Variants in CLEC9A observed in about 807,000 individuals in gnomAD.
CLEC9A encodes the protein C-type lectin domain family 9 member A.
In CLEC9A, 24 loss-of-function variants were observed where a neutral mutation model predicts 30.0. The observed-to-expected ratio is 0.80, with a 90% confidence interval of 0.58 to 1.13. The LOEUF is 1.13. CLEC9A is among the 50% of genes most tolerant of loss of function. The pLI, the probability that CLEC9A is intolerant of heterozygous loss-of-function variation, is 0.00. For synonymous variants in CLEC9A, 111 were observed against 96.8 expected, an observed-to-expected ratio of 1.15 and a Z score of -0.86; for missense variants, 251 against 280.9, an observed-to-expected ratio of 0.89 and a Z score of 0.76.
chr12:10,065,415 A>G, intron 8 of CLEC9A, 85 bp from the exon 9 acceptor site: 1 of 1,494,688 alleles, frequency 6.7e-7, no homozygotes, highest in Non-Finnish European at 9.1e-7. Flanking sequence ...CAAAACAAGC[A>G]GCTACACACC....
At chr12:10,044,997 A>G (rs1401180642) in intron 2 of CLEC9A, among the ~76,000 whole-genome samples, 4 of 152,220 alleles carry the variant, frequency 2.6e-5, no homozygotes, top group Admixed American at 1.3e-4. Context: ...GCTGTCTTAG[A>G]TCATCTATCC....
Position 10,063,114 on chromosome 12 carries a change from G to T in CLEC9A, c.379G>T (p.Val127Phe), listed in dbSNP as rs146186714. 307 of 1,612,462 alleles carry T rather than the reference G, an allele frequency of 1.9e-4. 1 individual carries two copies. In the African/African-American group the frequency reaches 3.6e-3, roughly 19 times the overall value. The change falls in exon 7 of 9, where the codon GTC becomes TTC. Residue 127 changes from valine to phenylalanine, a missense_variant. Coordinates refer to ENST00000355819, the MANE Select transcript of CLEC9A (RefSeq NM_207345.4). Reference protein sequence around the residue: ...WIQNRESCYYVSEIWSIWHTS... With the variant: ...WIQNRESCYYFSEIWSIWHTS... The stretch of plus-strand genomic sequence containing the variant: ...TCAGAACAGAGAAAGTTGTTACTAT[G>T]TCTCTGAAATTTGGAGCATTTGGCA...
chr12:10,032,894 C>T (rs1205200249), intron 1 of CLEC9A, among the ~76,000 whole-genome samples: 7 of 152,108 alleles, frequency 4.6e-5, no homozygotes, highest in Admixed American at 2.0e-4. Flanking sequence ...TAACATTTCT[C>T]TAATTTTCTT....
At chr12:10,031,135 G>A (rs912276314) in intron 1 of CLEC9A, among the ~76,000 whole-genome samples, 163 bp downstream of exon 1, 1 of 152,210 alleles carries the variant, frequency 6.6e-6, no homozygotes, top group African/African-American at 2.4e-5. Flanking sequence ...TAATATGAAG[G>A]TGTGAGCTGA....
chr12:10,052,555 C>T, intron 3 of CLEC9A, 75 bp from the exon 4 acceptor site: 1 of 1,429,412 alleles, frequency 7.0e-7, no homozygotes, highest in African/African-American at 1.4e-5. Context: ...ACTCCTTAAA[C>T]ACAAACATAT....
chr12:10,036,893 T>A (rs989492857), intron 1 of CLEC9A, among the ~76,000 whole-genome samples: 4 of 152,234 alleles, frequency 2.6e-5, no homozygotes, highest in African/African-American at 9.6e-5. Flanking sequence ...CATACATATA[T>A]GCATTCATTC....
At chr12:10,044,552 T>C (rs1278076053) in intron 2 of CLEC9A, among the ~76,000 whole-genome samples, 1 of 152,218 alleles carries the variant, frequency 6.6e-6, no homozygotes. Context: ...GCATTTGCTA[T>C]TTTCTTCTCC....
In CLEC9A at chr12:10,038,834, G is replaced by A. The variant is rs577916364; in HGVS notation, c.-317-2632G>A. Among the ~76,000 whole-genome samples, 16 of 145,688 alleles carry A rather than the reference G, an allele frequency of 1.1e-4. No individual in the cohort carries two copies. In the South Asian group the frequency reaches 3.2e-3, roughly 29 times the overall value. ...ATTAAAGTAGTTATAGGATGGGTGG[G>A]CATAAAACAAAACAAAACAAAAAAT... On this transcript the variant is annotated intron_variant, in intron 1 of 8. Transcript: ENST00000355819.
intron 6 of CLEC9A, 60 bp downstream of exon 6, chr12:10,061,333 A>C: frequency 3.7e-3 from 4,704 of 1,256,194 alleles, no homozygotes; most frequent in Non-Finnish European, 4.7e-3. Context: ...AATACCTCAA[A>C]AGAAACAGTG....
At chr12:10,037,302 A>T (rs535035221) in intron 1 of CLEC9A, among the ~76,000 whole-genome samples, 2 of 152,212 alleles carry the variant, frequency 1.3e-5, no homozygotes, top group Non-Finnish European at 2.9e-5. Context: ...GCGCTTTCGA[A>T]CTACATTGCT....
At chr12:10,057,826 C>T (rs1321564535) in intron 5 of CLEC9A, among the ~76,000 whole-genome samples, 2 of 152,022 alleles carry the variant, frequency 1.3e-5, no homozygotes, top group Non-Finnish European at 2.9e-5. Context: ...TTTTCTACCA[C>T]ATTATTTATG....
intron 5 of CLEC9A, among the ~76,000 whole-genome samples, chr12:10,056,756 T>A (rs1865947740): frequency 6.6e-6 from 1 of 152,120 alleles, no homozygotes; most frequent in Non-Finnish European, 1.5e-5. Context: ...ATTTAAAAAA[T>A]GTTAACTCCC....
At chr12:10,048,009 G>A (rs1332529764) in intron 2 of CLEC9A, among the ~76,000 whole-genome samples, 1 of 151,702 alleles carries the variant, frequency 6.6e-6, no homozygotes, top group African/African-American at 2.4e-5. Context: ...CGAGGCGGGT[G>A]GATCATGAGG....
At chr12:10,059,840 A>C (rs1413080806) in intron 5 of CLEC9A, among the ~76,000 whole-genome samples, 1 of 152,250 alleles carries the variant, frequency 6.6e-6, no homozygotes, top group African/African-American at 2.4e-5. Flanking sequence ...ATGTACAAAG[A>C]ACTCTCTAGT....
At chr12:10,041,788 G>C (rs575274886) in intron 2 of CLEC9A, among the ~76,000 whole-genome samples, 168 bp downstream of exon 2, 5 of 152,296 alleles carry the variant, frequency 3.3e-5, no homozygotes, top group Admixed American at 1.3e-4. Flanking sequence ...ATTCAATCCA[G>C]TCATAATATT....
chr12:10,048,690 A>C (rs1306927374), intron 2 of CLEC9A, among the ~76,000 whole-genome samples: 1 of 152,180 alleles, frequency 6.6e-6, no homozygotes, highest in Non-Finnish European at 1.5e-5. Context: ...GATTGCATCA[A>C]CTCAGCCACA....
intron 3 of CLEC9A, 195 bp from the exon 4 acceptor site, chr12:10,052,435 T>C (rs1865901220): frequency 1.9e-5 from 20 of 1,059,010 alleles, no homozygotes; most frequent in Non-Finnish European, 2.4e-5. Context: ...AAAAATGTTC[T>C]ATCATTGGCC....
At chr12:10,056,227 C>T (rs946144616) in intron 5 of CLEC9A, among the ~76,000 whole-genome samples, 2 of 151,930 alleles carry the variant, frequency 1.3e-5, no homozygotes, top group African/African-American at 4.8e-5. Context: ...ACTGTATTAA[C>T]TGTGACCCAG....
chr12:10,053,207 A>G (rs1865910930), intron 4 of CLEC9A, among the ~76,000 whole-genome samples: 1 of 152,210 alleles, frequency 6.6e-6, no homozygotes, highest in Non-Finnish European at 1.5e-5. Flanking sequence ...GTATCGTTTA[A>G]TATCTATGTT....
Sources: allele counts gnomAD v4.1 joint callset (sites outside exome capture counted in the v4.1 genomes callset), GRCh38; gene constraint gnomAD v4.1.1; transcripts MANE v1.5; gene names NCBI Gene and HGNC (gene_info 2026-07-23, HGNC 2026-07-21).